SPACA3: variants seen among roughly 807,000 people sequenced by gnomAD.
SPACA3 encodes sperm acrosome associated 3.
SPACA3 carries 21 observed loss-of-function variants against 24.5 expected under a neutral mutation model. The ratio of observed to expected loss-of-function variants is 0.86; its 90% CI spans 0.61 to 1.24. SPACA3 has a LOEUF of 1.24. Ranked by LOEUF, SPACA3 falls within the 50% of genes most tolerant of loss-of-function variation. The probability of loss-of-function intolerance (pLI) is 0.00; values close to 1 mark genes in which losing one functional copy is unlikely to be tolerated. For missense variants in SPACA3, 278 were observed against 275.5 expected, an observed-to-expected ratio of 1.01 and a Z score of -0.06; for synonymous variants, 115 against 106.9, an observed-to-expected ratio of 1.08 and a Z score of -0.47.
intron 1 of SPACA3, among the ~76,000 whole-genome samples, chr17:32,994,952 G>A (rs1210724349): frequency 6.6e-6 from 1 of 152,196 alleles, no homozygotes; most frequent in East Asian, 1.9e-4. Flanking sequence ...TGTGTGTGGA[G>A]AAAGAGCAGC....
chr17:32,996,431 G>T (rs566612809), intron 2 of SPACA3, among the ~76,000 whole-genome samples: 2 of 150,518 alleles, frequency 1.3e-5, no homozygotes, highest in East Asian at 3.9e-4. Context: ...AGAGGTTGCA[G>T]TGAGCTGAGA....
intron 1 of SPACA3, among the ~76,000 whole-genome samples, chr17:32,995,207 A>C (rs2151128276): frequency 6.6e-6 from 1 of 152,270 alleles, no homozygotes; most frequent in South Asian, 2.1e-4. Flanking sequence ...CTCAGGACTA[A>C]ATAATCCGTA....
chr17:32,995,720 G>C lies in SPACA3; in HGVS notation c.343+3G>C. The C allele has an allele frequency of 6.2e-7, 1 of 1,609,688 alleles. No homozygotes were observed. Among genetic ancestry groups the C allele is most frequent in the Non-Finnish European group, 8.5e-7 (1 of 1,176,474 alleles). ...CCGGGGATACAGCCTGGCTGACTGT[G>C]AGAACCCCTCTCCCTGGCGGGCCCT... On this transcript the variant is annotated splice_donor_region_variant and intron_variant, in intron 2 of 4. Transcript: ENST00000269053.
At chr17:32,993,386 G>A (rs1044808583) in intron 1 of SPACA3, among the ~76,000 whole-genome samples, 1 of 152,192 alleles carries the variant, frequency 6.6e-6, no homozygotes, top group Non-Finnish European at 1.5e-5. Flanking sequence ...GAAGAGAAGA[G>A]GGCTCAAGGC....
Position 32,991,920 on chromosome 17 carries a change from T to TGCTGCTGCTGCC in SPACA3, c.-11_-10insTGCCGCTGCTGC. On this transcript the variant is annotated 5_prime_UTR_variant, in exon 1 of 5. Coordinates refer to ENST00000269053, the MANE Select transcript of SPACA3 (RefSeq NM_173847.5). Reference sequence around the variant, plus strand: ...CTGAAGCAGGGTTTTGAGCCACTGCTGCTGCTGCCATTGTCACCATGGTCT... The same window carrying TGCTGCTGCTGCC: ...CTGAAGCAGGGTTTTGAGCCACTGCTGCTGCTGCTGCCGCTGCTGCCATTGTCACCATGGTCT... 2 of 1,614,002 alleles carry TGCTGCTGCTGCC rather than the reference T, an allele frequency of 1.2e-6. No homozygotes were observed. The highest frequency in any genetic ancestry group is 1.7e-6 in the Non-Finnish European group (2 of 1,179,972).
chr17:32,996,296 C>T (rs1364973489), intron 2 of SPACA3, among the ~76,000 whole-genome samples: 3 of 152,196 alleles, frequency 2.0e-5, no homozygotes, highest in South Asian at 2.1e-4. Flanking sequence ...CGAGACCAGC[C>T]AGGCCAATAT....
chr17:32,997,312 AGTGTGTGTGTGTGT>A (rs376224282), intron 3 of SPACA3, 119 bp from the exon 4 acceptor site: 8 of 511,890 alleles, frequency 1.6e-5, no homozygotes, highest in Admixed American at 6.3e-5. Context: ...AGGCGAGTGG[AGTGTGTGTGTGTGT>A]GTGTGTGTGT....
chr17:32,994,653 C>T (rs928451825), intron 1 of SPACA3, among the ~76,000 whole-genome samples: 11 of 152,012 alleles, frequency 7.2e-5, no homozygotes, highest in South Asian at 2.1e-4. Context: ...TGGGGAAATG[C>T]GGGTGAGGAC....
chr17:32,991,892 G>C lies in SPACA3; in HGVS notation c.-47G>C, dbSNP rs1567710225. The C allele has an allele frequency of 1.2e-6, 2 of 1,613,532 alleles. No homozygotes were observed. Among genetic ancestry groups the C allele is most frequent in the Non-Finnish European group, 1.7e-6 (2 of 1,179,786 alleles). On this transcript the variant is annotated 5_prime_UTR_variant, in exon 1 of 5. Transcript: ENST00000269053. ...CTGGCAAGGTTGTGGGGGACATCTT[G>C]AGCTGAAGCAGGGTTTTGAGCCACT...
chr17:32,991,978 C>A lies in SPACA3; in HGVS notation c.34+6C>A, dbSNP rs757591738. 6.2e-7 allele frequency: 1 copy of A among 1,613,742 alleles called. No homozygotes were observed. The highest frequency in any genetic ancestry group is 1.3e-5 in the African/African-American group (1 of 74,954). On this transcript the variant is annotated splice_donor_region_variant and intron_variant, in intron 1 of 4. Coordinates refer to ENST00000269053, the MANE Select transcript of SPACA3 (RefSeq NM_173847.5). ...GCGGGGAGCACCCCTGATCAGTGAG[C>A]CCCCTTTCCCTTCTTCCTGGGGCTG...
Position 32,996,841 on chromosome 17 carries a change from A to C in SPACA3, c.344-2A>C. The C allele has an allele frequency of 6.3e-7, 1 of 1,578,784 alleles. No homozygotes were observed. Among genetic ancestry groups the C allele is most frequent in the Non-Finnish European group, 8.6e-7 (1 of 1,162,006 alleles). ...CCCAGGCCTATGCTCTGCCCTATGC[A>C]GGGGTCTGCCTTGCTTATTTCACAA... On this transcript the variant is annotated splice_acceptor_variant, in intron 2 of 4. Transcript: ENST00000269053. LOFTEE classifies it high-confidence loss of function.
At chr17:32,993,386 G>C (rs1044808583) in intron 1 of SPACA3, among the ~76,000 whole-genome samples, 1 of 152,192 alleles carries the variant, frequency 6.6e-6, no homozygotes, top group Non-Finnish European at 1.5e-5. Flanking sequence ...GAAGAGAAGA[G>C]GGCTCAAGGC....
At chr17:32,994,012 G>T (rs995134573) in intron 1 of SPACA3, among the ~76,000 whole-genome samples, 1 of 152,128 alleles carries the variant, frequency 6.6e-6, no homozygotes, top group Non-Finnish European at 1.5e-5. Context: ...CAAGTGAGCA[G>T]GGCTAAGGCA....
At chr17:32,995,889 C>T (rs143687920) in intron 2 of SPACA3, among the ~76,000 whole-genome samples, 172 bp downstream of exon 2, 196 of 152,278 alleles carry the variant, frequency 1.3e-3, no homozygotes, top group African/African-American at 4.3e-3. Context: ...GAGTAAAACA[C>T]GCAGTAGGCA....
rs1346265410 is a variant in SPACA3, at chr17:32,995,534, G to A, written c.160G>A (p.Glu54Lys). 3.1e-6 allele frequency: 5 copies of A among 1,614,108 alleles called. No homozygotes were observed. Among genetic ancestry groups the A allele is most frequent in the African/African-American group, 1.3e-5 (1 of 74,942 alleles). ...TGGCTCCACCTCTGCCGCCGGCATAGAAGCCAGGAGCAGGGCTCTCAGAAG... is the reference window on the plus strand; with the variant it reads ...TGGCTCCACCTCTGCCGCCGGCATAAAAGCCAGGAGCAGGGCTCTCAGAAG... ...GGGSTSAAGI[E>K]ARSRALRRRW... The change falls in exon 2 of 5, where the codon GAA becomes AAA. Residue 54 changes from glutamate (E) to lysine (K), a missense_variant. Glu to Lys is a moderately conservative substitution (Grantham distance 56). Coordinates refer to ENST00000269053, the MANE Select transcript of SPACA3 (RefSeq NM_173847.5).
chr17:32,997,818 T>A lies in SPACA3; in HGVS notation c.*40T>A. 1 of 1,607,776 alleles carries A rather than the reference T, an allele frequency of 6.2e-7. No homozygotes were observed. The highest frequency in any genetic ancestry group is 2.2e-5 in the East Asian group (1 of 44,846). ...TGCACAGCAGGCTGGGAAATGTGGT[T>A]TGGTTCCTGACCTAGGCTTGGGAAG... On this transcript the variant is annotated 3_prime_UTR_variant, in exon 5 of 5. Coordinates refer to ENST00000269053, the MANE Select transcript of SPACA3 (RefSeq NM_173847.5).
At chr17:32,994,225 C>G (rs1227528416) in intron 1 of SPACA3, among the ~76,000 whole-genome samples, 1 of 152,168 alleles carries the variant, frequency 6.6e-6, no homozygotes, top group African/African-American at 2.4e-5. Flanking sequence ...TAGTTCATAA[C>G]AGAAACAACA....
intron 1 of SPACA3, among the ~76,000 whole-genome samples, chr17:32,993,736 C>A (rs957317439): frequency 6.6e-6 from 1 of 151,872 alleles, no homozygotes; most frequent in African/African-American, 2.4e-5. Flanking sequence ...GGGAAAGAGA[C>A]AAGGGAGTAG....
intron 2 of SPACA3, 125 bp from the exon 3 acceptor site, chr17:32,996,718 G>A (rs1202623327): frequency 1.6e-5 from 18 of 1,127,382 alleles, no homozygotes; most frequent in Non-Finnish European, 2.1e-5. Context: ...GGAGGCACCT[G>A]CCCCAATCAC....
Sources: gnomAD v4.1 joint callset for allele counts (sites outside exome capture counted in the v4.1 genomes callset) on GRCh38, gnomAD v4.1.1 for gene constraint, MANE v1.5 for transcripts, NCBI Gene and HGNC (gene_info 2026-07-23, HGNC 2026-07-21) for gene names.